Variants in ANKFN1 observed in about 807,000 individuals in gnomAD.
The protein encoded by ANKFN1 is ankyrin repeat and fibronectin type-III domain-containing protein 1.
A neutral mutation model predicts 108.7 loss-of-function variants in ANKFN1; 74 were observed. The ratio of observed to expected loss-of-function variants is 0.68; its 90% CI spans 0.56 to 0.83. ANKFN1 has a LOEUF of 0.83. ANKFN1 is among the 40% of genes least tolerant of loss of function. The pLI, the probability that ANKFN1 is intolerant of heterozygous loss-of-function variation, is 0.00. For missense variants in ANKFN1, 1,505 were observed against 1,382.3 expected (o/e 1.09, Z -1.41); for synonymous variants, 547 against 516.2 (o/e 1.06, Z -0.81).
In ANKFN1 at chr17:56,480,813, C is replaced by T. The variant is rs2050668457; in HGVS notation, c.2086C>T (p.His696Tyr). ...CCTTCAGCAGATCAATATACCTCTA[C>T]ACCAGGTACTAGACTTTACCATTTT... ...ALLQQINIPLHQARNFRLYTQ... is the reference protein window; with the variant it reads ...ALLQQINIPLYQARNFRLYTQ... The change falls in exon 17 of 21, where the codon CAC (histidine) becomes TAC (tyrosine). Residue 696 changes from histidine to tyrosine, a missense_variant. By Grantham distance (83) the His-to-Tyr change is moderately conservative. Coordinates refer to ENST00000682825, the MANE Select transcript of ANKFN1 (RefSeq NM_001370326.1). 4 of 1,613,604 alleles carry T rather than the reference C, an allele frequency of 2.5e-6. No individual in the cohort carries two copies. The highest frequency in any genetic ancestry group is 1.7e-4 in the Middle Eastern group (1 of 6,058).
At chr17:56,478,251 T>C (rs1229818050) in intron 16 of ANKFN1, among the ~76,000 whole-genome samples, 1 of 152,252 alleles carries the variant, frequency 6.6e-6, no homozygotes, top group Non-Finnish European at 1.5e-5. Flanking sequence ...AAACCACTGA[T>C]GTTCAATCGG....
chr17:56,287,410 C>T (rs564782545), intron 3 of ANKFN1, among the ~76,000 whole-genome samples: 1 of 152,288 alleles, frequency 6.6e-6, no homozygotes, highest in Admixed American at 6.5e-5. Flanking sequence ...GGCAATACAA[C>T]CTACCTCATG....
intron 4 of ANKFN1, among the ~76,000 whole-genome samples, chr17:56,122,367 A>T (rs1049180467): frequency 6.6e-6 from 1 of 152,158 alleles, no homozygotes; most frequent in African/African-American, 2.4e-5. Context: ...CGTGCCTGAG[A>T]TCTTCTTTGT....
intron 1 of ANKFN1, among the ~76,000 whole-genome samples, chr17:56,194,617 C>T (rs928722481): frequency 6.6e-6 from 1 of 152,134 alleles, no homozygotes; most frequent in Non-Finnish European, 1.5e-5. Context: ...TTAAGCAGAG[C>T]ACAGAGGATT....
chr17:56,170,760 C>G (rs1225843321), intron 1 of ANKFN1, among the ~76,000 whole-genome samples: 1 of 100,242 alleles, frequency 1.0e-5, no homozygotes, highest in Non-Finnish European at 1.9e-5. Context: ...GAGACTCTGT[C>G]AAGAAAAAAT....
intron 18 of ANKFN1, among the ~76,000 whole-genome samples, chr17:56,486,577 T>C (rs1031073525): frequency 3.9e-5 from 6 of 152,298 alleles, no homozygotes; most frequent in African/African-American, 1.4e-4. Context: ...ATATAGGAAC[T>C]TCCAAGGGCC....
chr17:56,396,047 C>CAA (rs201799240), intron 8 of ANKFN1, among the ~76,000 whole-genome samples: 2,894 of 151,946 alleles, frequency 0.019, 76 homozygotes, highest in African/African-American at 0.064. Flanking sequence ...CAAAACAAAA[C>CAA]AAAAAAAACA....
At chr17:56,056,784 C>T (rs1455119448) in intron 4 of ANKFN1, among the ~76,000 whole-genome samples, 3 of 152,230 alleles carry the variant, frequency 2.0e-5, no homozygotes, top group African/African-American at 4.8e-5. Flanking sequence ...ATGATGAAGA[C>T]TCCAAAAGCA....
At chr17:56,312,728 A>G (rs546532175) in intron 3 of ANKFN1, among the ~76,000 whole-genome samples, 19 of 152,344 alleles carry the variant, frequency 1.2e-4, no homozygotes, top group African/African-American at 4.1e-4. Context: ...GCTAGGCACT[A>G]TGCTAAACCT....
intron 1 of ANKFN1, among the ~76,000 whole-genome samples, chr17:56,178,529 G>A (rs564011406): frequency 6.6e-6 from 1 of 152,046 alleles, no homozygotes; most frequent in East Asian, 1.9e-4. Context: ...TAGAATTAAA[G>A]TCACTTAAAA....
chr17:56,134,337 A>C (rs1004055996), intron 4 of ANKFN1, among the ~76,000 whole-genome samples: 1 of 152,178 alleles, frequency 6.6e-6, no homozygotes, highest in Admixed American at 6.6e-5. Context: ...TGGAGGCATC[A>C]TCATGTAGGC....
chr17:56,100,662 G>T (rs1211245838), intron 4 of ANKFN1, among the ~76,000 whole-genome samples: 1 of 152,118 alleles, frequency 6.6e-6, no homozygotes, highest in Non-Finnish European at 1.5e-5. Context: ...GAGGCAGTAG[G>T]GTAACAGAGA....
At chr17:56,379,125 G>A (rs11654955) in intron 8 of ANKFN1, among the ~76,000 whole-genome samples, 85,060 of 152,018 alleles carry the variant, frequency 0.56, 28,040 homozygotes, top group East Asian at 0.96. Context: ...CAGGCCGGGC[G>A]CGGTGGTTCA....
chr17:56,469,224 C>G (rs1408678008), intron 15 of ANKFN1, among the ~76,000 whole-genome samples: 1 of 151,818 alleles, frequency 6.6e-6, no homozygotes, highest in Non-Finnish European at 1.5e-5. Context: ...TCCCACCCAC[C>G]CCCACTCTCC....
Position 56,127,385 on chromosome 17 carries a change from C to T in ANKFN1, c.288+81060C>T, listed in dbSNP as rs140288992. 3.7e-4 allele frequency among the ~76,000 whole-genome samples: 56 copies of T among 152,270 alleles called. 1 individual carries two copies. Among genetic ancestry groups the T allele is most frequent in the African/African-American group, 1.2e-3 (49 of 41,558 alleles). On this transcript the variant is annotated intron_variant, in intron 4 of 12. Coordinates refer to the ANKFN1 transcript ENST00000635860. ...CTGGACTGCAGTGGCACGGTCTCCG[C>T]TCACTGCAACCTCCACCTCCCAGGT...
intron 4 of ANKFN1, among the ~76,000 whole-genome samples, chr17:56,123,603 T>C (rs1906747112): frequency 1.3e-5 from 2 of 152,134 alleles, no homozygotes; most frequent in Non-Finnish European, 2.9e-5. Context: ...TAAATTAGTA[T>C]TGTAAGTGAA....
chr17:56,072,725 C>A (rs2143141951), intron 4 of ANKFN1, among the ~76,000 whole-genome samples: 1 of 152,338 alleles, frequency 6.6e-6, no homozygotes, highest in Middle Eastern at 3.4e-3. Flanking sequence ...AGTCACCTAG[C>A]ACAGGCTCTG....
At chr17:56,359,039 C>A (rs1435770431) in intron 6 of ANKFN1, among the ~76,000 whole-genome samples, 1 of 152,164 alleles carries the variant, frequency 6.6e-6, no homozygotes, top group Non-Finnish European at 1.5e-5. Context: ...AGCTCTTTTG[C>A]CTATTGTGTA....
intron 4 of ANKFN1, among the ~76,000 whole-genome samples, chr17:56,091,759 T>C (rs946156991): frequency 1.3e-5 from 2 of 151,548 alleles, no homozygotes; most frequent in African/African-American, 4.8e-5. Context: ...AGCCAGAGAC[T>C]ATGTGGTCAA....
Sources: allele counts gnomAD v4.1 joint callset (sites outside exome capture counted in the v4.1 genomes callset), GRCh38; gene constraint gnomAD v4.1.1; transcripts MANE v1.5; gene names NCBI Gene and HGNC (gene_info 2026-07-23, HGNC 2026-07-21).